PRDM11: variants seen among roughly 807,000 people sequenced by gnomAD.
PRDM11 encodes PR/SET domain 11.
PRDM11 carries 20 observed loss-of-function variants against 97.8 expected under a neutral mutation model. The ratio of observed to expected loss-of-function variants is 0.20; its 90% CI spans 0.14 to 0.30. The LOEUF (loss-of-function observed/expected upper bound fraction) is 0.30. Among genes scored for constraint, PRDM11 ranks in the 10% least tolerant of loss-of-function variants. The pLI is 1.00. For missense variants in PRDM11, 1,139 were observed against 1,555.2 expected (o/e 0.73, Z 4.50); for synonymous variants, 599 against 637.7 (o/e 0.94, Z 0.91).
intron 1 of PRDM11, among the ~76,000 whole-genome samples, chr11:45,177,119 T>G (rs1005517018): frequency 1.3e-5 from 2 of 152,210 alleles, no homozygotes; most frequent in African/African-American, 4.8e-5. Context: ...GGAAACCAAG[T>G]GGGCACAGAT....
rs960957245 is a variant in PRDM11 at position 45,137,147 on chromosome 11, A to G, written c.96+41246A>G. On this transcript the variant is annotated intron_variant, in intron 1 of 6. Coordinates refer to the PRDM11 transcript ENST00000530656. Reference sequence around the variant, plus strand: ...CACTGCACTTCAGCCTGGGCGAGGGAGTGAGACTCTGTCTCAAAAACAAAC... The same window carrying G: ...CACTGCACTTCAGCCTGGGCGAGGGGGTGAGACTCTGTCTCAAAAACAAAC... 2.1e-5 allele frequency among the ~76,000 whole-genome samples: 3 copies of G among 144,628 alleles called. No individual in the cohort carries two copies. In the East Asian group the frequency reaches 6.4e-4, roughly 31 times the overall value. The allele number at this position is 144,628 out of a possible 152,430, so 94.9% of individuals were successfully genotyped here.
At position 45,213,698 on chromosome 11, in the gene PRDM11, G is replaced by C. The variant is rs192368493; in HGVS notation, c.555-5872G>C. ...CCCTTGCAGAGTCTGGGTGGTCTCA[G>C]TGGGGGCTCAGGACAGTCAGCTCAA... On this transcript the variant is annotated intron_variant, in intron 5 of 7. Transcript: ENST00000683152. The C allele has an allele frequency of 1.5e-3, 688 of 456,546 alleles. 3 individuals carry two copies. The highest frequency in any genetic ancestry group is 0.012 in the African/African-American group (585 of 50,206). 28.3% of individuals were successfully genotyped at this position (456,546 alleles called of 1,614,324 possible). A position where few individuals can be genotyped will look rare whatever the true frequency, so the allele number is the denominator to read the frequency against.
Position 45,231,764 on chromosome 11 carries a change from CTG to C in PRDM11, c.*3607_*3608del, listed in dbSNP as rs2135868677. On this transcript the variant is annotated 3_prime_UTR_variant, in exon 8 of 8. Transcript: ENST00000683152. Reference sequence around the variant, plus strand: ...AAACATGAGGACAGCGCAGTCAAGTCTGTAACTCTTGCCATGTCAGAATCCCC... The same window carrying C: ...AAACATGAGGACAGCGCAGTCAAGTCTAACTCTTGCCATGTCAGAATCCCC... The C allele has an allele frequency of 6.6e-6, 1 of 152,022 alleles. No homozygotes were observed. The highest frequency in any genetic ancestry group is 1.9e-4 in the East Asian group (1 of 5,180). The allele number at this position is 152,022 out of a possible 1,614,324, so 9.4% of individuals were successfully genotyped here.
chr11:45,211,057 C>G (rs868643637), intron 5 of PRDM11, among the ~76,000 whole-genome samples: 1 of 152,222 alleles, frequency 6.6e-6, no homozygotes, highest in Non-Finnish European at 1.5e-5. Flanking sequence ...CACAGCCCTC[C>G]TTTTCCTGGC....
chr11:45,111,499 C>T (rs1852180153), intron 1 of PRDM11, among the ~76,000 whole-genome samples: 1 of 152,138 alleles, frequency 6.6e-6, no homozygotes, highest in Non-Finnish European at 1.5e-5. Flanking sequence ...CATGTGAACA[C>T]TCAGTTAAGG....
At position 45,229,502 on chromosome 11, in the gene PRDM11, ACACACACACACACACAC is replaced by A. The variant is rs1854356873; in HGVS notation, c.*1344_*1360del. ...CACACAGACACACACACACACACAG[ACACACACACACACACAC>A]AATCACAATATACAATATAAGCTTT... On this transcript the variant is annotated 3_prime_UTR_variant, in exon 8 of 8. Coordinates refer to ENST00000683152, the MANE Select transcript of PRDM11 (RefSeq NM_001384648.1). The A allele has an allele frequency of 2.7e-5, 4 of 149,892 alleles. No individual in the cohort carries two copies. The highest frequency in any genetic ancestry group is 4.9e-5 in the African/African-American group (2 of 40,844). 9.3% of individuals were successfully genotyped at this position (149,892 alleles called of 1,614,324 possible).
intron 4 of PRDM11, among the ~76,000 whole-genome samples, chr11:45,184,873 A>T (rs1411689132): frequency 6.6e-6 from 1 of 151,792 alleles, no homozygotes; most frequent in African/African-American, 2.4e-5. Context: ...ACCTAGGGAG[A>T]ATGTGCTGAG....
chr11:45,128,969 T>A (rs11038317), intron 1 of PRDM11, among the ~76,000 whole-genome samples: 1 of 151,930 alleles, frequency 6.6e-6, no homozygotes, highest in Non-Finnish European at 1.5e-5. Context: ...AAATTATATA[T>A]CATGACCACA....
At chr11:45,199,010 C>T (rs1042893628) in intron 4 of PRDM11, among the ~76,000 whole-genome samples, 1 of 151,772 alleles carries the variant, frequency 6.6e-6, no homozygotes, top group Non-Finnish European at 1.5e-5. Context: ...TGTGTCAAAG[C>T]ACTTGACATA....
At chr11:45,225,016 CA>C (rs1313198403) in intron 7 of PRDM11, 173 bp downstream of exon 7, 2 of 1,464,770 alleles carry the variant, frequency 1.4e-6, no homozygotes, top group Non-Finnish European at 1.8e-6. Flanking sequence ...CTGGCAGACC[CA>C]TCGGCAGCTC....
rs1472006112 is a variant in PRDM11 at position 45,228,667 on chromosome 11, T to G, written c.*508T>G. 6.6e-6 allele frequency: 1 copy of G among 152,166 alleles called. No homozygotes were observed. Among genetic ancestry groups the G allele is most frequent in the Non-Finnish European group, 1.5e-5 (1 of 68,032 alleles). The allele number at this position is 152,166 out of a possible 1,614,324, so 9.4% of individuals were successfully genotyped here. On this transcript the variant is annotated 3_prime_UTR_variant, in exon 8 of 8. Transcript: ENST00000683152. ...GACATTCTGGTCCGGCTGAATCAGA[T>G]CTCTGACTTAAGTCAGGGTGGGTTG...
At chr11:45,169,397 T>C (rs79977304) in intron 1 of PRDM11, among the ~76,000 whole-genome samples, 1,773 of 152,348 alleles carry the variant, frequency 0.012, 34 homozygotes, top group African/African-American at 0.04. Flanking sequence ...CACATCTAAA[T>C]GTGTATGTCC....
intron 1 of PRDM11, among the ~76,000 whole-genome samples, chr11:45,124,846 G>A (rs1485992596): frequency 1.3e-5 from 2 of 152,120 alleles, no homozygotes; most frequent in African/African-American, 4.8e-5. Context: ...GGATGATGCT[G>A]GCCTCATAAA....
intron 1 of PRDM11, among the ~76,000 whole-genome samples, chr11:45,100,532 C>T (rs925323642): frequency 6.6e-6 from 1 of 152,240 alleles, no homozygotes; most frequent in Non-Finnish European, 1.5e-5. Flanking sequence ...CTTCTCAAGC[C>T]ATACCCACCC....
upstream of PRDM11, among the ~76,000 whole-genome samples, chr11:45,145,130 C>A (rs1217308651): frequency 6.6e-6 from 1 of 152,168 alleles, no homozygotes; most frequent in Non-Finnish European, 1.5e-5. Context: ...GGGTGCTGGG[C>A]CCTTTAAATA....
At chr11:45,178,738 T>TC in intron 1 of PRDM11, among the ~76,000 whole-genome samples, 1 of 152,310 alleles carries the variant, frequency 6.6e-6, no homozygotes, top group Middle Eastern at 3.4e-3. Context: ...TGAAAGAGGT[T>TC]CTCACTCTCA....
At chr11:45,103,443 A>G (rs1054662890) in intron 1 of PRDM11, among the ~76,000 whole-genome samples, 2 of 152,226 alleles carry the variant, frequency 1.3e-5, no homozygotes, top group Admixed American at 6.5e-5. Context: ...GTGCTTTGGT[A>G]GAGACAGAAA....
chr11:45,183,909 A>T (rs557353541), intron 4 of PRDM11, among the ~76,000 whole-genome samples: 2 of 152,354 alleles, frequency 1.3e-5, no homozygotes, highest in Admixed American at 1.3e-4. Flanking sequence ...CAATCAGATA[A>T]ATCCTGCCTT....
At position 45,183,508 on chromosome 11, in the gene PRDM11, A is replaced by G. The variant is rs58632999; in HGVS notation, c.486+385A>G. On this transcript the variant is annotated intron_variant, in intron 4 of 7. Transcript: ENST00000683152. ...CATGACTTCCCACTTCCAAACCAGT[A>G]ATATCAGGCTCTGGGCTAGGTGCTG... 6.4e-3 allele frequency among the ~76,000 whole-genome samples: 976 copies of G among 152,266 alleles called. 11 individuals carry two copies. The highest frequency in any genetic ancestry group is 0.021 in the African/African-American group (892 of 41,554).
Sources: allele counts gnomAD v4.1 joint callset (sites outside exome capture counted in the v4.1 genomes callset), GRCh38; gene constraint gnomAD v4.1.1; transcripts MANE v1.5; gene names NCBI Gene and HGNC (gene_info 2026-07-23, HGNC 2026-07-21).